Variants in CEP44 observed in about 807,000 individuals in gnomAD.
CEP44 encodes centrosomal protein of 44 kDa.
Under a neutral mutation model 46.7 loss-of-function variants are expected in CEP44, and 45 were observed. That is an observed-to-expected ratio of 0.96 (90% CI 0.76 to 1.24). The LOEUF is 1.24. Among genes scored for constraint, CEP44 ranks in the 50% most tolerant of loss-of-function variants. The pLI, the probability that CEP44 is intolerant of heterozygous loss-of-function variation, is 0.00. For synonymous variants in CEP44, 142 were observed against 146.0 expected, an observed-to-expected ratio of 0.97 and a Z score of 0.20; for missense variants, 475 against 459.7, an observed-to-expected ratio of 1.03 and a Z score of -0.30.
At chr4:174,292,195 G>T (rs1738313906) in intron 1 of CEP44, among the ~76,000 whole-genome samples, 1 of 151,946 alleles carries the variant, frequency 6.6e-6, no homozygotes, top group Non-Finnish European at 1.5e-5. Flanking sequence ...CTCTCTCCTG[G>T]CCTGCAAGTG....
intron 2 of CEP44, among the ~76,000 whole-genome samples, chr4:174,298,493 C>T (rs538872196): frequency 3.9e-5 from 6 of 152,140 alleles, no homozygotes; most frequent in Non-Finnish European, 7.3e-5. Context: ...TAATTATTTA[C>T]TTTCATTTTA....
chr4:174,317,581 G>A lies in CEP44; in HGVS notation c.*198G>A, dbSNP rs904608872. The A allele has an allele frequency of 5.1e-4, 569 of 1,124,782 alleles. No homozygotes were observed. Among genetic ancestry groups the A allele is most frequent in the Non-Finnish European group, 6.1e-4 (557 of 916,720 alleles). The allele number at this position is 1,124,782 out of a possible 1,614,324, so 69.7% of individuals were successfully genotyped here. A position where few individuals can be genotyped will look rare whatever the true frequency, so the allele number is the denominator to read the frequency against. On this transcript the variant is annotated 3_prime_UTR_variant, in exon 12 of 12. Coordinates refer to ENST00000503780, the MANE Select transcript of CEP44 (RefSeq NM_001040157.3). Reference sequence around the variant, plus strand: ...AGCAATGATTATACTGCTTTACCTTGTGTCACTTTTTTTTTTTTTAGGAAA... The same window carrying A: ...AGCAATGATTATACTGCTTTACCTTATGTCACTTTTTTTTTTTTTAGGAAA...
rs1181385187 is a variant in CEP44, at chr4:174,290,436, T to G, written c.-148+6493T>G. Among the ~76,000 whole-genome samples, 1 of 150,000 alleles carries G rather than the reference T, an allele frequency of 6.7e-6. No homozygotes were observed. The highest frequency in any genetic ancestry group is 1.5e-5 in the Non-Finnish European group (1 of 66,890). On this transcript the variant is annotated intron_variant, in intron 1 of 11. Coordinates refer to ENST00000503780, the MANE Select transcript of CEP44 (RefSeq NM_001040157.3). This position sits in a 1 kb window ranked among gnomAD's most constrained non-coding sequence, Gnocchi z 4.3. Reference sequence around the variant, plus strand: ...AATGTTTTTAGTCTTCTTAAATTTGTTAAGACTTGTTTTGTGACCTAGGCT... The same window carrying G: ...AATGTTTTTAGTCTTCTTAAATTTGGTAAGACTTGTTTTGTGACCTAGGCT...
rs755143555 is a variant in CEP44 at position 174,331,626 on chromosome 4, T to A, written c.*31T>A. ...GTTTCTTGGATCCTGTGCTTACCTT[T>A]TCCTGCTGTACTCTGATGTTTCAGT... On this transcript the variant is annotated 3_prime_UTR_variant, in exon 9 of 9. Transcript: ENST00000426172. The surrounding 1 kb of genome is among the most constrained non-coding windows in gnomAD (Gnocchi z 4.5). 11 of 1,548,842 alleles carry A rather than the reference T, an allele frequency of 7.1e-6. No individual in the cohort carries two copies. The highest frequency in any genetic ancestry group is 9.6e-6 in the Non-Finnish European group (11 of 1,145,588).
rs911093737 is a variant in CEP44 at position 174,311,787 on chromosome 4, C to T, written c.961+929C>T. Reference sequence around the variant, plus strand: ...ATTGAATTGTAGATCAAATTTGAATCCAGGCAACTGATCTGAAGTTTTTTC... The same window carrying T: ...ATTGAATTGTAGATCAAATTTGAATTCAGGCAACTGATCTGAAGTTTTTTC... On this transcript the variant is annotated intron_variant, in intron 9 of 11. Transcript: ENST00000503780. This position sits in a 1 kb window ranked among gnomAD's most constrained non-coding sequence, Gnocchi z 4.4. Among the ~76,000 whole-genome samples, 4 of 152,236 alleles carry T rather than the reference C, an allele frequency of 2.6e-5. No individual in the cohort carries two copies. Among genetic ancestry groups the T allele is most frequent in the African/African-American group, 9.6e-5 (4 of 41,548 alleles).
exon 9 of CEP44, chr4:174,333,335 A>G (rs1731401261): frequency 1.3e-5 from 2 of 149,210 alleles, no homozygotes; most frequent in Non-Finnish European, 3.0e-5. Flanking sequence ...ATATGATGAT[A>G]AAGTTCATAT....
chr4:174,285,732 A>G (rs1179797653), intron 1 of CEP44, among the ~76,000 whole-genome samples: 1 of 152,210 alleles, frequency 6.6e-6, no homozygotes, highest in Non-Finnish European at 1.5e-5. Context: ...GTTACGATAG[A>G]TGGGTCTGGA....
At chr4:174,313,758 C>T (rs1017700929) in intron 9 of CEP44, among the ~76,000 whole-genome samples, 9 of 151,996 alleles carry the variant, frequency 5.9e-5, no homozygotes, top group African/African-American at 9.7e-5. Context: ...ATGCCTTGAT[C>T]CTGATAGATA....
At chr4:174,330,104 G>A (rs1425028183) in intron 8 of CEP44, among the ~76,000 whole-genome samples, 1 of 152,074 alleles carries the variant, frequency 6.6e-6, no homozygotes, top group Non-Finnish European at 1.5e-5. Flanking sequence ...CAAAGATCAA[G>A]TTGTACCCAG....
downstream of CEP44, among the ~76,000 whole-genome samples, chr4:174,321,776 G>T (rs1349680949): frequency 6.6e-6 from 1 of 152,034 alleles, no homozygotes; most frequent in Admixed American, 6.6e-5. Flanking sequence ...CATTTGTCAA[G>T]GAAATCTCAT....
chr4:174,302,441 A>C (rs191026141), intron 4 of CEP44, among the ~76,000 whole-genome samples: 1 of 152,150 alleles, frequency 6.6e-6, no homozygotes, highest in East Asian at 1.9e-4. Context: ...TTTTTAATCA[A>C]ATTTTAGTAA....
chr4:174,332,430 ATC>A, exon 9 of CEP44: 1 of 152,340 alleles, frequency 6.6e-6, no homozygotes, highest in South Asian at 2.1e-4. Flanking sequence ...CATCAACCAC[ATC>A]TTATAAAACA....
chr4:174,303,669 T>A (rs758073207), intron 4 of CEP44, 34 bp from the exon 5 acceptor site: 26 of 1,395,742 alleles, frequency 1.9e-5, no homozygotes, highest in Non-Finnish European at 2.4e-5. Flanking sequence ...AATAAATTGC[T>A]CCCAATTATT....
At chr4:174,299,039 CT>C in intron 2 of CEP44, 32 bp from the exon 3 acceptor site, 3 of 1,219,758 alleles carry the variant, frequency 2.5e-6, no homozygotes, top group South Asian at 2.7e-5. Flanking sequence ...AATACAGAGA[CT>C]TAACCAGTAT....
Position 174,299,153 on chromosome 4 carries a change from G to T in CEP44, c.32G>T (p.Arg11Leu). Residue 11 changes from arginine to leucine, a missense_variant, in exon 3 of 12, where the codon CGG becomes CTG. Arg to Leu is a moderately radical substitution (Grantham distance 102). Transcript: ENST00000503780. ...ACAGGTGACTTAAAAAGAAGCTTACGGAACCTAGAACAGGTGCTCCGCTTG... is the reference window on the plus strand; with the variant it reads ...ACAGGTGACTTAAAAAGAAGCTTACTGAACCTAGAACAGGTGCTCCGCTTG... MATGDLKRSL[R>L]NLEQVLRLLN... 1 of 1,613,582 alleles carries T rather than the reference G, an allele frequency of 6.2e-7. No individual in the cohort carries two copies. Among genetic ancestry groups the T allele is most frequent in the Admixed American group, 1.7e-5 (1 of 60,002 alleles).
At chr4:174,328,878 T>C (rs543268473) in intron 8 of CEP44, among the ~76,000 whole-genome samples, 1 of 152,316 alleles carries the variant, frequency 6.6e-6, no homozygotes, top group Admixed American at 6.5e-5. Flanking sequence ...TGAAATTACA[T>C]AGAAAAACTT....
rs766422523 is a variant in CEP44, at chr4:174,319,108, A to G, written c.*1725A>G. ...CATGGGTGAGTCACCATGCTTGGCC[A>G]CATTTTTAGTATTCTAATAAACAGT... is the stretch of plus-strand genomic sequence containing the variant. On this transcript the variant is annotated 3_prime_UTR_variant, in exon 12 of 12. Transcript: ENST00000503780. The G allele has an allele frequency of 9.1e-6, 9 of 984,156 alleles. No individual in the cohort carries two copies. Among genetic ancestry groups the G allele is most frequent in the Non-Finnish European group, 1.1e-5 (9 of 828,778 alleles). 61.0% of individuals were successfully genotyped at this position (984,156 alleles called of 1,614,324 possible). A position where few individuals can be genotyped will look rare whatever the true frequency, so the allele number is the denominator to read the frequency against.
intron 1 of CEP44, 72 bp downstream of exon 1, chr4:174,284,015 G>T: frequency 2.5e-6 from 1 of 399,772 alleles, no homozygotes; most frequent in Non-Finnish European, 4.4e-6. Context: ...GGGCGCAGGC[G>T]CCTGGCTGTA....
chr4:174,291,782 C>CTTTTTTTTTTTTTTTTTTTTTTTTTTTT lies in CEP44; in HGVS notation c.-147-6180_-147-6179insTTTTTTTTTTTTTTTTTTTTTTTTTTTT, dbSNP rs1208425482. 4.8e-4 allele frequency among the ~76,000 whole-genome samples: 39 copies of CTTTTTTTTTTTTTTTTTTTTTTTTTTTT among 81,614 alleles called. 1 individual carries two copies. The highest frequency in any genetic ancestry group is 7.4e-4 in the Non-Finnish European group (28 of 38,080). The allele number at this position is 81,614 out of a possible 152,430, so 53.5% of individuals were successfully genotyped here. ...GTTTTCTTTATTCTTTTATCTTTTTCTTTTCTTTTTTTTTTTTTTTTTTTT... is the reference window on the plus strand; with the variant it reads ...GTTTTCTTTATTCTTTTATCTTTTTCTTTTTTTTTTTTTTTTTTTTTTTTTTTTTTTTCTTTTTTTTTTTTTTTTTTTT... On this transcript the variant is annotated intron_variant, in intron 1 of 11. Coordinates refer to ENST00000503780, the MANE Select transcript of CEP44 (RefSeq NM_001040157.3).
Sources: gnomAD v4.1 joint callset for allele counts (sites outside exome capture counted in the v4.1 genomes callset) on GRCh38, gnomAD v4.1.1 for gene constraint, Gnocchi (gnomAD v3.1) non-coding constraint, MANE v1.5 for transcripts, NCBI Gene and HGNC (gene_info 2026-07-23, HGNC 2026-07-21) for gene names.